ABLIM1: variants seen among roughly 807,000 people sequenced by gnomAD.
The protein encoded by ABLIM1 is actin binding LIM protein 1, also known as actin-binding LIM protein 1.
In ABLIM1, 40 loss-of-function variants were observed where a neutral mutation model predicts 107.0. The observed-to-expected ratio is 0.37, with a 90% confidence interval of 0.29 to 0.49. ABLIM1 has a LOEUF of 0.49. Among genes scored for constraint, ABLIM1 ranks in the 20% least tolerant of loss-of-function variants. The pLI, the probability that ABLIM1 is intolerant of heterozygous loss-of-function variation, is 0.97. For synonymous variants in ABLIM1, 357 were observed against 357.3 expected, an observed-to-expected ratio of 1.00 and a Z score of 0.01; for missense variants, 857 against 1,008.5, an observed-to-expected ratio of 0.85 and a Z score of 2.04.
At chr10:114,704,298 C>CTATATATA (rs1368796727) in intron 1 of ABLIM1, among the ~76,000 whole-genome samples, 1 of 28,748 alleles carries the variant, frequency 3.5e-5, no homozygotes, top group African/African-American at 1.3e-4. Context: ...CTCTCTCTCT[C>CTATATATA]TCTCTATATA....
At position 114,741,216 on chromosome 10, in the gene ABLIM1, C is replaced by CTTT. The variant is rs751287379; in HGVS notation, c.-213+26842_-213+26844dup. ...ATAACACCTTGATAGGACTATTCTT[C>CTTT]TTTTTTTTTTTTTTTTTTTTTTTTT... On this transcript the variant is annotated intron_variant, in intron 1 of 15. Coordinates refer to the ABLIM1 transcript ENST00000651092. Among the ~76,000 whole-genome samples the CTTT allele has an allele frequency of 7.9e-3, 475 of 59,896 alleles. 101 individuals are homozygous for CTTT. The highest frequency in any genetic ancestry group is 0.011 in the Non-Finnish European group (354 of 31,600). 39.3% of individuals were successfully genotyped at this position (59,896 alleles called of 152,430 possible).
chr10:114,566,134 G>A (rs1011747821), intron 4 of ABLIM1, among the ~76,000 whole-genome samples: 1 of 152,152 alleles, frequency 6.6e-6, no homozygotes. Flanking sequence ...CATTTGTCTT[G>A]ATACCTGTAG....
chr10:114,445,508 C>T (rs6585279), intron 15 of ABLIM1, 105 bp from the exon 16 acceptor site: 375,727 of 923,222 alleles, frequency 0.41, 76,311 homozygotes, highest in East Asian at 0.43. Context: ...AGGTCAGCAA[C>T]GGTCTTTAAC....
At position 114,431,905 on chromosome 10, in the gene ABLIM1, A is replaced by G. The variant is rs2058893205; in HGVS notation, c.*4355T>C. The G allele has an allele frequency of 6.6e-6, 1 of 152,218 alleles. No homozygotes were observed. The highest frequency in any genetic ancestry group is 6.5e-5 in the Admixed American group (1 of 15,284). The allele number at this position is 152,218 out of a possible 1,614,324, so 9.4% of individuals were successfully genotyped here. ...TGATTAAACTTGCCCAAATAAAAACATAACAATCCATATGCAAAGCATATC... is the reference window on the plus strand; with the variant it reads ...TGATTAAACTTGCCCAAATAAAAACGTAACAATCCATATGCAAAGCATATC... On this transcript the variant is annotated 3_prime_UTR_variant, in exon 23 of 23. Transcript: ENST00000533213.
intron 12 of ABLIM1, among the ~76,000 whole-genome samples, chr10:114,458,706 G>A (rs1213536520): frequency 1.3e-5 from 2 of 152,290 alleles, no homozygotes; most frequent in East Asian, 3.9e-4. Flanking sequence ...AGCAAAAGAG[G>A]AAAGATTCCT....
At chr10:114,527,071 G>C (rs2064890796) in intron 6 of ABLIM1, 1 of 711,668 alleles carries the variant, frequency 1.4e-6, no homozygotes, top group Non-Finnish European at 1.7e-6. Context: ...ACTATTGTCT[G>C]CATGTGAAAC....
chr10:114,491,990 A>G, intron 6 of ABLIM1, 112 bp from the exon 7 acceptor site: 1 of 872,810 alleles, frequency 1.1e-6, no homozygotes, highest in Non-Finnish European at 1.7e-6. Context: ...AAGGAAAAAT[A>G]ATTGTCTAAT....
intron 12 of ABLIM1, among the ~76,000 whole-genome samples, chr10:114,465,308 T>C (rs962928955): frequency 1.3e-5 from 2 of 151,792 alleles, no homozygotes; most frequent in Non-Finnish European, 2.9e-5. Context: ...AATCCAGCTG[T>C]TAAAAATGGC....
At chr10:114,582,455 A>T (rs1461605301) in intron 2 of ABLIM1, among the ~76,000 whole-genome samples, 1 of 152,236 alleles carries the variant, frequency 6.6e-6, no homozygotes, top group East Asian at 1.9e-4. Flanking sequence ...CTACAGATTC[A>T]ATGCTATTCT....
At position 114,657,942 on chromosome 10, in the gene ABLIM1, G is replaced by A. The variant is rs370094390; in HGVS notation, c.244+15C>T. On this transcript the variant is annotated intron_variant, in intron 1 of 22. Transcript: ENST00000533213. ...AAAACACAAAACCATGTCCAGAGAG[G>A]GTTATTTTACTTACCAAAAGGATCA... The A allele has an allele frequency of 2.3e-5, 37 of 1,595,722 alleles. No homozygotes were observed. The highest frequency in any genetic ancestry group is 3.0e-5 in the Non-Finnish European group (35 of 1,165,360).
intron 4 of ABLIM1, among the ~76,000 whole-genome samples, chr10:114,553,310 C>G (rs771586369): frequency 6.6e-6 from 1 of 152,230 alleles, no homozygotes; most frequent in South Asian, 2.1e-4. Context: ...GAGCAACTAC[C>G]TAGCCAGGAT....
At chr10:114,556,045 C>T (rs1359075870) in intron 4 of ABLIM1, among the ~76,000 whole-genome samples, 4 of 151,728 alleles carry the variant, frequency 2.6e-5, no homozygotes, top group African/African-American at 7.3e-5. Context: ...GTACTTTGTC[C>T]CTGGCCAGGA....
intron 11 of ABLIM1, among the ~76,000 whole-genome samples, chr10:114,466,514 G>T (rs2065198687): frequency 1.3e-5 from 2 of 152,204 alleles, no homozygotes; most frequent in South Asian, 2.1e-4. Context: ...TAGAAACATG[G>T]TTCCAAGCTG....
intron 2 of ABLIM1, among the ~76,000 whole-genome samples, chr10:114,576,083 C>T (rs185694264): frequency 5.3e-5 from 8 of 152,032 alleles, no homozygotes; most frequent in Non-Finnish European, 1.2e-4. Context: ...TCCACTGCTA[C>T]GAAAAATTCA....
intron 1 of ABLIM1, among the ~76,000 whole-genome samples, chr10:114,709,025 G>A (rs2081485961): frequency 6.6e-6 from 1 of 152,160 alleles, no homozygotes. Context: ...AGTTGATTAG[G>A]GCTATATTTA....
chr10:114,706,681 T>C (rs1160244517), intron 1 of ABLIM1, among the ~76,000 whole-genome samples: 1 of 152,226 alleles, frequency 6.6e-6, no homozygotes, highest in African/African-American at 2.4e-5. Context: ...AATTATAATC[T>C]GTGGAAGCAG....
chr10:114,630,512 G>C (rs1211745453), intron 1 of ABLIM1, among the ~76,000 whole-genome samples: 1 of 152,174 alleles, frequency 6.6e-6, no homozygotes, highest in Non-Finnish European at 1.5e-5. Context: ...ATCTATAGGA[G>C]CAGAGTGAAT....
intron 6 of ABLIM1, among the ~76,000 whole-genome samples, chr10:114,496,818 T>C (rs546602572): frequency 6.6e-6 from 1 of 152,190 alleles, no homozygotes; most frequent in Admixed American, 6.5e-5. Context: ...GAGGAGTCGT[T>C]CTGTTTTTGC....
At chr10:114,536,450 C>A (rs990811246) in intron 6 of ABLIM1, among the ~76,000 whole-genome samples, 6 of 151,446 alleles carry the variant, frequency 4.0e-5, no homozygotes, top group Non-Finnish European at 5.9e-5. Flanking sequence ...GTTTCACCAT[C>A]CTGGCCAGGC....
Sources: allele counts gnomAD v4.1 joint callset (sites outside exome capture counted in the v4.1 genomes callset), GRCh38; gene constraint gnomAD v4.1.1; transcripts MANE v1.5; gene names NCBI Gene and HGNC (gene_info 2026-07-23, HGNC 2026-07-21).